The following FAM120A variants were observed in gnomAD, a reference collection of about 807,000 sequenced individuals.
FAM120A encodes family with sequence similarity 120 member A.
A neutral mutation model predicts 109.7 loss-of-function variants in FAM120A; 15 were observed. That is an observed-to-expected ratio of 0.14 (90% CI 0.09 to 0.21). The LOEUF is 0.21. Among genes scored for constraint, FAM120A ranks in the 10% least tolerant of loss-of-function variants. FAM120A has a pLI of 1.00. For synonymous variants in FAM120A, 493 were observed against 572.8 expected (o/e 0.86, Z 1.99); for missense variants, 899 against 1,439.3 (o/e 0.62, Z 6.07).
Position 93,543,369 on chromosome 9 carries a change from G to T in FAM120A, c.2057G>T (p.Arg686Leu). 6.2e-7 allele frequency: 1 copy of T among 1,614,172 alleles called. No individual in the cohort carries two copies. Among genetic ancestry groups the T allele is most frequent in the Non-Finnish European group, 8.5e-7 (1 of 1,180,006 alleles). The change falls in exon 11 of 18, where the codon CGC (arginine) becomes CTC (leucine). Residue 686 changes from arginine (R) to leucine (L), a missense_variant. Coordinates refer to ENST00000277165, the MANE Select transcript of FAM120A (RefSeq NM_014612.5). ...WLGKAVEDKN[R>L]RMRAFLACMR... Reference sequence around the variant, plus strand: ...GGTAAGGCGGTAGAGGACAAGAACCGCAGGATGAGGGCCTTCCTGGCCTGC... The same window carrying T: ...GGTAAGGCGGTAGAGGACAAGAACCTCAGGATGAGGGCCTTCCTGGCCTGC...
chr9:93,497,417 G>A (rs957620309), intron 3 of FAM120A, 54 bp from the exon 4 acceptor site: 3 of 1,601,584 alleles, frequency 1.9e-6, no homozygotes, highest in Admixed American at 3.5e-5. Flanking sequence ...ATTCAGATTA[G>A]CCTGGTACTG....
intron 1 of FAM120A, chr9:93,453,191 A>T: frequency 1.0e-6 from 1 of 1,002,340 alleles, no homozygotes; most frequent in Non-Finnish European, 1.2e-6. Context: ...AACTCGCAGG[A>T]TTTATTTTTC....
At chr9:93,453,428 A>G in intron 1 of FAM120A, 2 of 985,412 alleles carry the variant, frequency 2.0e-6, no homozygotes, top group Non-Finnish European at 2.4e-6. Context: ...TTGAAAACAA[A>G]TTTTGGGGGC....
intron 1 of FAM120A, among the ~76,000 whole-genome samples, chr9:93,457,662 T>C (rs1049585615): frequency 3.3e-4 from 51 of 152,282 alleles, no homozygotes; most frequent in Middle Eastern, 3.4e-3. Flanking sequence ...GAAACCCAGA[T>C]TTTTAAAAAA....
At chr9:93,529,164 A>G (rs1321432377) in intron 8 of FAM120A, among the ~76,000 whole-genome samples, 189 bp from the exon 9 acceptor site, 1 of 152,186 alleles carries the variant, frequency 6.6e-6, no homozygotes, top group Non-Finnish European at 1.5e-5. Context: ...AAGCTGTTCA[A>G]GGAGAGGACT....
intron 1 of FAM120A, among the ~76,000 whole-genome samples, chr9:93,469,931 T>C (rs1436966485): frequency 6.6e-6 from 1 of 152,208 alleles, no homozygotes; most frequent in Non-Finnish European, 1.5e-5. Context: ...CATTCTACAG[T>C]GATGTCCAGT....
Position 93,532,821 on chromosome 9 carries a change from G to C in FAM120A, c.1909+492G>C, listed in dbSNP as rs536115252. The stretch of plus-strand genomic sequence containing the variant: ...CTGTAGCGAAGGTCGTGGGACTCAC[G>C]GATCGTCGCAGGATTGTGATGATTT... On this transcript the variant is annotated intron_variant, in intron 10 of 17. Transcript: ENST00000277165. This position sits in a 1 kb window ranked among gnomAD's most constrained non-coding sequence, Gnocchi z 4.3. Among the ~76,000 whole-genome samples the C allele has an allele frequency of 6.6e-6, 1 of 152,180 alleles. No individual in the cohort carries two copies. The highest frequency in any genetic ancestry group is 1.5e-5 in the Non-Finnish European group (1 of 68,040).
At chr9:93,468,291 T>C (rs185689747) in intron 1 of FAM120A, among the ~76,000 whole-genome samples, 2 of 152,362 alleles carry the variant, frequency 1.3e-5, no homozygotes, top group African/African-American at 4.8e-5. Context: ...AACCATGAAA[T>C]GCAACACCAA....
chr9:93,471,110 C>T, intron 1 of FAM120A, 31 bp from the exon 2 acceptor site: 3 of 1,612,514 alleles, frequency 1.9e-6, no homozygotes, highest in Non-Finnish European at 2.5e-6. Flanking sequence ...TGTTACCCTA[C>T]ATCTGATGAA....
At chr9:93,559,867 T>C (rs1862412430) in intron 15 of FAM120A, among the ~76,000 whole-genome samples, 1 of 152,216 alleles carries the variant, frequency 6.6e-6, no homozygotes, top group Non-Finnish European at 1.5e-5. Context: ...TGTCTGGAAC[T>C]CAGATTTGCA....
intron 8 of FAM120A, among the ~76,000 whole-genome samples, chr9:93,528,578 T>A (rs968768701): frequency 6.6e-6 from 1 of 152,244 alleles, no homozygotes; most frequent in Non-Finnish European, 1.5e-5. Flanking sequence ...GACTCTTTCC[T>A]GTGTATGTCC....
rs536115252 is a variant in FAM120A, at chr9:93,532,821, G to A, written c.1909+492G>A. ...CTGTAGCGAAGGTCGTGGGACTCAC[G>A]GATCGTCGCAGGATTGTGATGATTT... On this transcript the variant is annotated intron_variant, in intron 10 of 17. Coordinates refer to ENST00000277165, the MANE Select transcript of FAM120A (RefSeq NM_014612.5). This position sits in a 1 kb window ranked among gnomAD's most constrained non-coding sequence, Gnocchi z 4.3. Among the ~76,000 whole-genome samples, 6 of 152,298 alleles carry A rather than the reference G, an allele frequency of 3.9e-5. No homozygotes were observed. Among genetic ancestry groups the A allele is most frequent in the East Asian group, 1.9e-4 (1 of 5,182 alleles).
In FAM120A at chr9:93,467,786, A is replaced by G. The variant is rs140290313; in HGVS notation, c.475-3355A>G. On this transcript the variant is annotated intron_variant, in intron 1 of 17. Transcript: ENST00000277165. ...TGCTTTTTAATGCCAATCTAAAGTC[A>G]AGTGTTCTCAGTGAATAGGTAATTC... is the stretch of plus-strand genomic sequence containing the variant. Among the ~76,000 whole-genome samples the G allele has an allele frequency of 2.4e-3, 370 of 151,740 alleles. 1 individual carries two copies. Among genetic ancestry groups the G allele is most frequent in the African/African-American group, 8.4e-3 (346 of 41,026 alleles).
chr9:93,458,100 C>T (rs1237315762), intron 1 of FAM120A, among the ~76,000 whole-genome samples: 1 of 152,074 alleles, frequency 6.6e-6, no homozygotes, highest in Non-Finnish European at 1.5e-5. Flanking sequence ...GTTTTACATT[C>T]TTATATATTA....
chr9:93,453,077 T>A, intron 1 of FAM120A: 1 of 1,083,010 alleles, frequency 9.2e-7, no homozygotes, highest in Non-Finnish European at 1.1e-6. Flanking sequence ...TTGTCAGTTC[T>A]GTGACTTCAC....
intron 11 of FAM120A, among the ~76,000 whole-genome samples, chr9:93,548,623 A>C (rs1861981705): frequency 6.6e-6 from 1 of 152,224 alleles, no homozygotes; most frequent in Non-Finnish European, 1.5e-5. Flanking sequence ...AGAAATTAAA[A>C]TAAAAGGAAT....
rs576316090 is a variant in FAM120A at position 93,522,450 on chromosome 9, T to G, written c.1419-4705T>G. 5.3e-5 allele frequency among the ~76,000 whole-genome samples: 8 copies of G among 152,366 alleles called. No individual in the cohort carries two copies. The East Asian group carries it at 1.5e-3, about 29-fold the overall frequency. On this transcript the variant is annotated intron_variant, in intron 7 of 17. Coordinates refer to ENST00000277165, the MANE Select transcript of FAM120A (RefSeq NM_014612.5). ...TTGCCCTTTTTCCTTTTCTTCCATC[T>G]TTTATCCTTAATATACTTACGTAAC...
chr9:93,507,324 G>A (rs1860105915), intron 5 of FAM120A, among the ~76,000 whole-genome samples: 1 of 152,210 alleles, frequency 6.6e-6, no homozygotes, highest in East Asian at 1.9e-4. Context: ...CGGGGGAAAT[G>A]GCTCCCAGAG....
chr9:93,528,064 A>G (rs1006128872), intron 8 of FAM120A, among the ~76,000 whole-genome samples: 3 of 152,226 alleles, frequency 2.0e-5, no homozygotes, highest in African/African-American at 2.4e-5. Flanking sequence ...GTTAATATGC[A>G]GGGTTGCCTG....
Sources: allele counts gnomAD v4.1 joint callset (sites outside exome capture counted in the v4.1 genomes callset), GRCh38; gene constraint gnomAD v4.1.1; non-coding constraint Gnocchi (gnomAD v3.1); transcripts MANE v1.5; gene names NCBI Gene and HGNC (gene_info 2026-07-23, HGNC 2026-07-21).